The following WRAP53 variants were observed in gnomAD, a reference collection of about 807,000 sequenced individuals.
WRAP53 encodes WD repeat containing antisense to TP53.
WRAP53 carries 28 observed loss-of-function variants against 56.6 expected under a neutral mutation model. That is an observed-to-expected ratio of 0.50 (90% CI 0.37 to 0.68). The LOEUF is 0.68. WRAP53 is among the 30% of genes least tolerant of loss of function. The probability of loss-of-function intolerance (pLI) is 0.00; values close to 1 mark genes in which losing one functional copy is unlikely to be tolerated. For missense variants in WRAP53, 671 were observed against 715.5 expected, an observed-to-expected ratio of 0.94 and a Z score of 0.71; for synonymous variants, 283 against 283.4, an observed-to-expected ratio of 1.00 and a Z score of 0.01.
At position 7,699,474 on chromosome 17, in the gene WRAP53, A is replaced by ATATT. The variant is rs1231248811; in HGVS notation, c.643-1266_643-1265insATTT. Among the ~76,000 whole-genome samples the ATATT allele has an allele frequency of 1.7e-3, 43 of 24,768 alleles. 1 individual carries two copies. Among genetic ancestry groups the ATATT allele is most frequent in the South Asian group, 4.1e-3 (3 of 738 alleles). The allele number at this position is 24,768 out of a possible 152,430, so 16.2% of individuals were successfully genotyped here. A position where few individuals can be genotyped will look rare whatever the true frequency, so the allele number is the denominator to read the frequency against. The stretch of plus-strand genomic sequence containing the variant: ...TATATATATTTATATATATATATAT[A>ATATT]TTTATATATATATATATATATATAT... On this transcript the variant is annotated intron_variant, in intron 4 of 10. Coordinates refer to ENST00000396463, the MANE Select transcript of WRAP53 (RefSeq NM_001143992.2).
intron 4 of WRAP53, among the ~76,000 whole-genome samples, chr17:7,700,101 T>G (rs534115117): frequency 6.6e-6 from 1 of 151,086 alleles, no homozygotes; most frequent in Non-Finnish European, 1.5e-5. Flanking sequence ...TAGGGTGGAG[T>G]GCAGTGGTGC....
At chr17:7,689,363 A>C (rs1419526555) in intron 3 of WRAP53, 41 bp downstream of exon 3, 1 of 1,595,864 alleles carries the variant, frequency 6.3e-7, no homozygotes, top group South Asian at 1.1e-5. Context: ...CACCCCCGAG[A>C]TTTTCACTGT....
intron 4 of WRAP53, among the ~76,000 whole-genome samples, chr17:7,692,078 G>C (rs1660478551): frequency 6.6e-6 from 1 of 151,570 alleles, no homozygotes; most frequent in Admixed American, 6.6e-5. Flanking sequence ...CTGACCTTGT[G>C]ATCTGCCCAC....
Position 7,702,764 on chromosome 17 carries a change from G to T in WRAP53, c.1186G>T (p.Asp396Tyr). 1 of 1,613,788 alleles carries T rather than the reference G, an allele frequency of 6.2e-7. No homozygotes were observed. The highest frequency in any genetic ancestry group is 8.5e-7 in the Non-Finnish European group (1 of 1,180,010). The change falls in exon 9 of 11, where the codon GAT becomes TAT. Residue 396 changes from aspartate to tyrosine, a missense_variant. Physicochemically the swap from Asp to Tyr is radical, Grantham distance 160. Around this residue, in one of 3 missense-constraint regions of WRAP53, gnomAD observed 158 missense variants for 215.7 expected, o/e 0.73. Transcript: ENST00000396463. The surrounding 1 kb of genome is among the most constrained non-coding windows in gnomAD (Gnocchi z 5.0). ...CCAGGATGCTGAGCTCCTGTGCTGG[G>T]ATCTCCGGCAGTCTGGTTACCCACT... ...ARKDAELLCWDLRQSGYPLWS... is the reference protein window; with the variant it reads ...ARKDAELLCWYLRQSGYPLWS...
At position 7,703,397 on chromosome 17, in the gene WRAP53, G is replaced by T. The variant is rs146634933; in HGVS notation, c.1558G>T (p.Gly520Trp). ...ATGTCGGCTTCAGCTCTGGTGGTGT[G>T]GGGGGGCGCCAGACTCCAGCATCCC... ...LECRLQLWWC[G>W]GAPDSSIPDD... Residue 520 changes from glycine to tryptophan, a missense_variant, in exon 11 of 11, where the codon GGG becomes TGG. Around this residue, in one of 3 missense-constraint regions of WRAP53, gnomAD observed 107 missense variants for 81.3 expected, o/e 1.32. Coordinates refer to ENST00000396463, the MANE Select transcript of WRAP53 (RefSeq NM_001143992.2). 7.6e-5 allele frequency: 123 copies of T among 1,611,950 alleles called. 1 individual carries two copies. The South Asian group carries it at 1.1e-3, about 14-fold the overall frequency.
intron 4 of WRAP53, 78 bp from the exon 5 acceptor site, chr17:7,700,663 C>A: frequency 1.1e-6 from 1 of 951,214 alleles, no homozygotes; most frequent in Non-Finnish European, 1.7e-6. Context: ...ACCCCATCTG[C>A]CACAACACTG....
At chr17:7,687,158 T>G (rs1597399938), upstream of WRAP53, 3 of 396,908 alleles carry the variant, frequency 7.6e-6, no homozygotes, top group East Asian at 1.1e-4. Context: ...CAACTTTGAG[T>G]TCGGATGGTC....
chr17:7,701,590 C>T lies in WRAP53; in HGVS notation c.822+41C>T, dbSNP rs371883257. 176 of 1,614,112 alleles carry T rather than the reference C, an allele frequency of 1.1e-4. No homozygotes were observed. Among genetic ancestry groups the T allele is most frequent in the African/African-American group, 7.2e-4 (54 of 74,932 alleles). On this transcript the variant is annotated intron_variant, in intron 6 of 10. Transcript: ENST00000396463. The surrounding 1 kb of genome is among the most constrained non-coding windows in gnomAD (Gnocchi z 4.2). ...CTCAGCCCCAGCACTCGTACTGGCC[C>T]GGCTCTCCTTCCTTGAGGGCAGCTG...
upstream of WRAP53, chr17:7,686,270 T>G (rs1428396452): frequency 1.3e-5 from 2 of 152,030 alleles, no homozygotes; most frequent in African/African-American, 4.8e-5. Context: ...ATCATTGCAC[T>G]CTTTCAAAAT....
chr17:7,696,587 T>C (rs1031615470), intron 4 of WRAP53, among the ~76,000 whole-genome samples: 12 of 152,170 alleles, frequency 7.9e-5, no homozygotes, highest in South Asian at 6.2e-4. Context: ...CGTGAGCCAC[T>C]GCGCCCGGTC....
Position 7,703,023 on chromosome 17 carries a change from G to T in WRAP53, c.1299G>T (p.Thr433=). 1 of 1,614,060 alleles carries T rather than the reference G, an allele frequency of 6.2e-7. No individual in the cohort carries two copies. Among genetic ancestry groups the T allele is most frequent in the Non-Finnish European group, 8.5e-7 (1 of 1,180,020 alleles). Residue 433 remains threonine, a synonymous_variant, in exon 10 of 11, where the codon ACG becomes ACT. Transcript: ENST00000396463. ...PTGQFLVSGS[T]SGAVSVWDTD... is the part of the protein sequence containing the mutation. ...GGCAGTTCCTAGTGAGTGGCAGCAC[G>T]AGCGGGGCTGTCTCTGTGTGGGACA...
At chr17:7,694,879 G>A (rs1363993922) in intron 4 of WRAP53, among the ~76,000 whole-genome samples, 4 of 148,176 alleles carry the variant, frequency 2.7e-5, no homozygotes, top group Admixed American at 2.7e-4. Context: ...TTTCCTGCTA[G>A]TGTACCAGTT....
At chr17:7,690,215 C>T (rs2074090741) in intron 4 of WRAP53, among the ~76,000 whole-genome samples, 1 of 152,194 alleles carries the variant, frequency 6.6e-6, no homozygotes, top group South Asian at 2.1e-4. Context: ...TCCCAAAGTG[C>T]GGGGATCACA....
At chr17:7,689,546 A>G in intron 3 of WRAP53, 44 bp from the exon 4 acceptor site, 1 of 1,579,540 alleles carries the variant, frequency 6.3e-7, no homozygotes, top group Admixed American at 1.7e-5. Flanking sequence ...CTACACTTGA[A>G]AAGCATAGGT....
Position 7,702,300 on chromosome 17 carries a change from A to C in WRAP53, c.956-44A>C. ...ACCTCTGCTTAGCCTGGTTAGTGCC[A>C]GGAGCCATTGCCCCCTCCCCCACTT... On this transcript the variant is annotated intron_variant, in intron 7 of 10. Transcript: ENST00000396463. This position sits in a 1 kb window ranked among gnomAD's most constrained non-coding sequence, Gnocchi z 5.0. 1 of 1,607,130 alleles carries C rather than the reference A, an allele frequency of 6.2e-7. No homozygotes were observed. Among genetic ancestry groups the C allele is most frequent in the South Asian group, 1.1e-5 (1 of 90,932 alleles).
rs8065614 is a variant in WRAP53, at chr17:7,700,163, C to T, written c.643-578C>T. ...TCCTGGGTTCAAGGGATTCTCCTGC[C>T]TCAGCCTCCTGAGTATCTGGGATTA... On this transcript the variant is annotated intron_variant, in intron 4 of 10. Coordinates refer to ENST00000396463, the MANE Select transcript of WRAP53 (RefSeq NM_001143992.2). Among the ~76,000 whole-genome samples, 888 of 152,144 alleles carry T rather than the reference C, an allele frequency of 5.8e-3. 7 individuals are homozygous for T. Among genetic ancestry groups the T allele is most frequent in the African/African-American group, 0.021 (860 of 41,486 alleles).
chr17:7,691,583 G>A (rs1480856932), intron 4 of WRAP53, among the ~76,000 whole-genome samples: 1 of 151,712 alleles, frequency 6.6e-6, no homozygotes, highest in African/African-American at 2.4e-5. Flanking sequence ...AATAGAGACG[G>A]GGTTTTACCA....
upstream of WRAP53, chr17:7,687,840 C>T (rs1308860727): frequency 2.6e-6 from 1 of 384,092 alleles, no homozygotes; most frequent in African/African-American, 2.1e-5. Context: ...TGGATCCTTT[C>T]TTCTCATCAG....
At chr17:7,699,502 T>TATATATATATATATA (rs1567577549) in intron 4 of WRAP53, among the ~76,000 whole-genome samples, 2 of 11,764 alleles carry the variant, frequency 1.7e-4, no homozygotes, top group African/African-American at 4.8e-4. Context: ...ATATATATAT[T>TATATATATATATATA]TATATATATA....
Sources: gnomAD v4.1 joint callset for allele counts (sites outside exome capture counted in the v4.1 genomes callset) on GRCh38, gnomAD v4.1.1 for gene constraint, gnomAD v4.1.1 regional missense constraint, Gnocchi (gnomAD v3.1) non-coding constraint, MANE v1.5 for transcripts, NCBI Gene and HGNC (gene_info 2026-07-23, HGNC 2026-07-21) for gene names.